The following HINFP variants were observed in gnomAD, a reference collection of about 807,000 sequenced individuals.
HINFP encodes histone H4 transcription factor.
In HINFP, 20 loss-of-function variants were observed where a neutral mutation model predicts 50.1. That is an observed-to-expected ratio of 0.40 (90% CI 0.28 to 0.58). The LOEUF is 0.58. Ranked by LOEUF, HINFP falls within the 20% of genes least tolerant of loss-of-function variation. HINFP has a pLI of 0.45. For missense variants in HINFP, 505 were observed against 664.1 expected (o/e 0.76, Z 2.63); for synonymous variants, 247 against 243.7 (o/e 1.01, Z -0.13).
At chr11:119,132,365 C>A in intron 5 of HINFP, 131 bp from the exon 6 acceptor site, 1 of 795,826 alleles carries the variant, frequency 1.3e-6, no homozygotes, top group Non-Finnish European at 2.0e-6. Context: ...GATACTGTGT[C>A]CATTCATAGC....
intron 9 of HINFP, 39 bp downstream of exon 9, chr11:119,133,258 G>A (rs754232077): frequency 6.2e-6 from 10 of 1,609,848 alleles, no homozygotes; most frequent in African/African-American, 4.0e-5. Context: ...TAACACACTT[G>A]TTTTTATACC....
chr11:119,129,346 CT>C (rs1165360856), intron 2 of HINFP, among the ~76,000 whole-genome samples: 1 of 149,250 alleles, frequency 6.7e-6, no homozygotes, highest in Non-Finnish European at 1.5e-5. Context: ...ACCAAAGCCA[CT>C]TTTTTTTTAG....
chr11:119,131,121 A>G lies in HINFP; in HGVS notation c.411+167A>G, dbSNP rs1389320654. 2.8e-6 allele frequency: 2 copies of G among 720,284 alleles called. No homozygotes were observed. Among genetic ancestry groups the G allele is most frequent in the Non-Finnish European group, 2.5e-6 (1 of 403,772 alleles). The allele number at this position is 720,284 out of a possible 1,614,324, so 44.6% of individuals were successfully genotyped here. On this transcript the variant is annotated intron_variant, in intron 3 of 9. Transcript: ENST00000350777. This position sits in a 1 kb window ranked among gnomAD's most constrained non-coding sequence, Gnocchi z 4.2. ...TTTATTTTTTACACACAGGCTCTTGATCTGAAGCCCAGGCTAGAGTGCAGT... is the reference window on the plus strand; with the variant it reads ...TTTATTTTTTACACACAGGCTCTTGGTCTGAAGCCCAGGCTAGAGTGCAGT...
At chr11:119,133,547 C>A in intron 9 of HINFP, 1 of 247,516 alleles carries the variant, frequency 4.0e-6, no homozygotes, top group Non-Finnish European at 7.8e-6. Context: ...CCACTGCACT[C>A]CAACCTGGGT....
intron 2 of HINFP, 118 bp from the exon 3 acceptor site, chr11:119,130,607 G>T: frequency 1.3e-6 from 1 of 798,862 alleles, no homozygotes; most frequent in South Asian, 1.7e-5. Flanking sequence ...TGGTAATTTG[G>T]TTAGAGTCCA....
At chr11:119,129,909 A>G (rs945701942) in intron 2 of HINFP, 1 of 152,222 alleles carries the variant, frequency 6.6e-6, no homozygotes, top group Non-Finnish European at 1.5e-5. Flanking sequence ...ATGACTATGA[A>G]CCATAATTGA....
Position 119,135,208 on chromosome 11 carries a change from C to T in HINFP, c.*710C>T, listed in dbSNP as rs1353889450. ...AACTGTCCTGTTGTCTTCTCCTCCT[C>T]CCCTTGGTGAAACTTCGCTATTCTC... On this transcript the variant is annotated 3_prime_UTR_variant, in exon 10 of 10. Transcript: ENST00000350777. The T allele has an allele frequency of 6.6e-6, 1 of 152,320 alleles. No homozygotes were observed. The highest frequency in any genetic ancestry group is 1.5e-5 in the Non-Finnish European group (1 of 68,114). The allele number at this position is 152,320 out of a possible 1,614,324, so 9.4% of individuals were successfully genotyped here.
At chr11:119,123,319 T>TGAA (rs1455326325) in intron 1 of HINFP, among the ~76,000 whole-genome samples, 2 of 152,006 alleles carry the variant, frequency 1.3e-5, no homozygotes, top group African/African-American at 4.8e-5. Flanking sequence ...TTACATCAGA[T>TGAA]GAAGTGTAGA....
intron 2 of HINFP, 155 bp downstream of exon 2, chr11:119,127,280 A>G (rs1947460873): frequency 1.7e-6 from 1 of 601,076 alleles, no homozygotes; most frequent in South Asian, 2.8e-5. Context: ...ACTCATTTAT[A>G]GAAAACTCAG....
Position 119,135,613 on chromosome 11 carries a change from C to T in HINFP, c.*1115C>T, listed in dbSNP as rs368141085. ...TTCGTCTGGTTCAGCTGCTTCTCAG[C>T]ACCCTGTGTCCATTTTTATGGTCTA... On this transcript the variant is annotated 3_prime_UTR_variant, in exon 10 of 10. Transcript: ENST00000350777. 6.6e-6 allele frequency: 1 copy of T among 152,214 alleles called. No individual in the cohort carries two copies. The highest frequency in any genetic ancestry group is 1.5e-5 in the Non-Finnish European group (1 of 68,044). 9.4% of individuals were successfully genotyped at this position (152,214 alleles called of 1,614,324 possible). A position where few individuals can be genotyped will look rare whatever the true frequency, so the allele number is the denominator to read the frequency against.
chr11:119,134,177 G>T lies in HINFP; in HGVS notation c.1233G>T (p.Glu411Asp), dbSNP rs1042261018. The T allele has an allele frequency of 6.2e-7, 1 of 1,614,134 alleles. No homozygotes were observed. Reference sequence around the variant, plus strand: ...AGCAACTGCTGCGGCAACCACAAGAGGGATCGGGCCTGGGAACGTCGCTGA... The same window carrying T: ...AGCAACTGCTGCGGCAACCACAAGATGGATCGGGCCTGGGAACGTCGCTGA... ...LTQQLLRQPQ[E>D]GSGLGTSLNE... is the part of the protein sequence containing the mutation. The change falls in exon 10 of 10, where the codon GAG becomes GAT. Residue 411 changes from glutamate (E) to aspartate (D), a missense_variant. Glu to Asp is a conservative substitution (Grantham distance 45). Coordinates refer to ENST00000350777, the MANE Select transcript of HINFP (RefSeq NM_198971.3). The surrounding 1 kb of genome is among the most constrained non-coding windows in gnomAD (Gnocchi z 4.3).
chr11:119,132,503 C>T lies in HINFP; in HGVS notation c.684C>T (p.His228=), dbSNP rs370577473. ...IRRQTSLDQQ[H]FQCSHCSKRF... ...CTGCCTGCCCCACCCCAGAGCAGCA[C>T]TTCCAGTGTTCTCACTGTTCCAAGA... The change falls in exon 6 of 10, where the codon CAC becomes CAT. Residue 228 remains histidine, a synonymous_variant. Coordinates refer to ENST00000350777, the MANE Select transcript of HINFP (RefSeq NM_198971.3). The T allele has an allele frequency of 2.0e-5, 33 of 1,614,066 alleles. No individual in the cohort carries two copies. The African/African-American group carries it at 4.0e-4, about 20-fold the overall frequency.
Position 119,127,089 on chromosome 11 carries a change from G to A in HINFP, c.145G>A (p.Glu49Lys), listed in dbSNP as rs781244201. ...HLQQHLHGSG[E>K]EEEEEEEDDP... ...GCAGCAGCACCTGCATGGCTCTGGG[G>A]AGGAGGAGGAAGAGGAAGAGGAGGA... The change falls in exon 2 of 10, where the codon GAG becomes AAG. Residue 49 changes from glutamate (E) to lysine (K), a missense_variant. Coordinates refer to ENST00000350777, the MANE Select transcript of HINFP (RefSeq NM_198971.3). 18 of 1,613,118 alleles carry A rather than the reference G, an allele frequency of 1.1e-5. No individual in the cohort carries two copies. The highest frequency in any genetic ancestry group is 1.5e-5 in the Non-Finnish European group (18 of 1,179,756).
intron 1 of HINFP, chr11:119,124,513 T>G (rs1436282845): frequency 1.3e-5 from 2 of 152,180 alleles, no homozygotes; most frequent in African/African-American, 2.4e-5. Context: ...CCCTCTGTTC[T>G]GTGTTTCGTT....
At chr11:119,132,209 C>T in intron 5 of HINFP, 1 of 621,176 alleles carries the variant, frequency 1.6e-6, no homozygotes, top group Non-Finnish European at 2.8e-6. Context: ...CACAACAGCC[C>T]CATGAGGTAG....
At chr11:119,123,447 A>G in intron 1 of HINFP, among the ~76,000 whole-genome samples, 1 of 152,176 alleles carries the variant, frequency 6.6e-6, no homozygotes. Flanking sequence ...TTCATACTGT[A>G]ATAGTCAGAG....
chr11:119,133,909 C>A, intron 9 of HINFP, 175 bp from the exon 10 acceptor site: 1 of 758,938 alleles, frequency 1.3e-6, no homozygotes, highest in Non-Finnish European at 2.1e-6. Flanking sequence ...AATGATCTTT[C>A]CCTCTTGCCT....
intron 2 of HINFP, 87 bp downstream of exon 2, chr11:119,127,212 A>C: frequency 1.8e-6 from 2 of 1,103,756 alleles, no homozygotes. Context: ...AAGGCGGCCT[A>C]AGAGAATGGT....
rs1362355603 is a variant in HINFP at position 119,134,544 on chromosome 11, G to A, written c.*46G>A. On this transcript the variant is annotated 3_prime_UTR_variant, in exon 10 of 10. Transcript: ENST00000350777. This position sits in a 1 kb window ranked among gnomAD's most constrained non-coding sequence, Gnocchi z 4.3. ...TTCTTCCCCAGGTCCTGAAGTTTGA[G>A]CCAGGCAAGTGGCAGTGCCCCTAGT... 4 of 1,480,902 alleles carry A rather than the reference G, an allele frequency of 2.7e-6. No individual in the cohort carries two copies. The highest frequency in any genetic ancestry group is 2.8e-5 in the African/African-American group (2 of 71,570). The allele number at this position is 1,480,902 out of a possible 1,614,324, so 91.7% of individuals were successfully genotyped here.
Sources: allele counts gnomAD v4.1 joint callset (sites outside exome capture counted in the v4.1 genomes callset), GRCh38; gene constraint gnomAD v4.1.1; non-coding constraint Gnocchi (gnomAD v3.1); transcripts MANE v1.5; gene names NCBI Gene and HGNC (gene_info 2026-07-23, HGNC 2026-07-21).